The following FSIP2 variants were observed in gnomAD, a reference collection of about 807,000 sequenced individuals.
FSIP2 encodes the protein fibrous sheath interacting protein 2, also known as fibrous sheath-interacting protein 2.
Under a neutral mutation model 510.5 loss-of-function variants are expected in FSIP2, and 367 were observed. That is an observed-to-expected ratio of 0.72 (90% confidence interval 0.66 to 0.78). The LOEUF (loss-of-function observed/expected upper bound fraction) is 0.78. Among genes scored for constraint, FSIP2 ranks in the 30% least tolerant of loss-of-function variants. The pLI, the probability that FSIP2 is intolerant of heterozygous loss-of-function variation, is 0.00. For missense variants in FSIP2, 7,594 were observed against 7,901.7 expected (o/e 0.96, Z 1.48); for synonymous variants, 2,601 against 2,732.2 (o/e 0.95, Z 1.50).
rs184298485 is a variant in FSIP2, at chr2:185,805,848, G to C, written c.16542G>C (p.Val5514=). 2.5e-3 allele frequency: 4,039 copies of C among 1,608,818 alleles called. 9 individuals carry two copies. Among genetic ancestry groups the C allele is most frequent in the Non-Finnish European group, 3.1e-3 (3,680 of 1,177,798 alleles). ...TAACATCAGGGTTGGCTACAGGTGT[G>C]ACAAATAAAAAGGAAGTGGATGAAA... The part of the protein sequence containing the change: ...INLTSGLATG[V]TNKKEVDENK... Residue 5514 remains valine (V), a synonymous_variant, in exon 17 of 23, where the codon GTG becomes GTC. Coordinates refer to ENST00000424728, the MANE Select transcript of FSIP2 (RefSeq NM_173651.4).
intron 7 of FSIP2, among the ~76,000 whole-genome samples, chr2:185,751,385 T>C (rs1692142757): frequency 6.6e-6 from 1 of 151,450 alleles, no homozygotes; most frequent in Non-Finnish European, 1.5e-5. Flanking sequence ...ACTTCAGCTT[T>C]ACTTTGATTA....
chr2:185,802,184 ACAGACCT>A lies in FSIP2; in HGVS notation c.12883_12889del (p.Pro4295SerfsTer5). On this transcript the variant is annotated frameshift_variant, in exon 17 of 23. Coordinates refer to ENST00000424728, the MANE Select transcript of FSIP2 (RefSeq NM_173651.4). LOFTEE classifies it high-confidence loss of function. ...GTTCTGAGTGAAGTGATAGAGTCAC[ACAGACCT>A]CAGAAGCAATCACCTTTAGATATTC... The A allele has an allele frequency of 6.5e-7, 1 of 1,533,460 alleles. No homozygotes were observed. 95.0% of individuals were successfully genotyped at this position (1,533,460 alleles called of 1,614,324 possible).
intron 2 of FSIP2, chr2:185,740,380 C>T (rs2370474): frequency 0.46 from 70,638 of 151,998 alleles, 16,924 homozygotes; most frequent in South Asian, 0.6. Flanking sequence ...CACACCTACC[C>T]CCAAACCTCC....
rs1693650900 is a variant in FSIP2, at chr2:185,808,632, T to C, written c.19326T>C (p.Asp6442=). The change falls in exon 17 of 23, where the codon GAT becomes GAC. Residue 6442 remains aspartate (D), a synonymous_variant. Coordinates refer to ENST00000424728, the MANE Select transcript of FSIP2 (RefSeq NM_173651.4). ...GAACCAACAAAGAATTTTATTATGA[T>C]ATAAAAGATACAAATACAGCCTTTC... ...QSGTNKEFYY[D]IKDTNTAFPK... 3 of 1,603,434 alleles carry C rather than the reference T, an allele frequency of 1.9e-6. No individual in the cohort carries two copies. Among genetic ancestry groups the C allele is most frequent in the African/African-American group, 1.3e-5 (1 of 74,196 alleles).
Position 185,805,164 on chromosome 2 carries a change from C to T in FSIP2, c.15858C>T (p.His5286=), listed in dbSNP as rs1429827586. 1 of 1,610,072 alleles carries T rather than the reference C, an allele frequency of 6.2e-7. No homozygotes were observed. The highest frequency in any genetic ancestry group is 1.1e-5 in the South Asian group (1 of 90,608). ...AAGACATAATCATTGACCTTGTTCA[C>T]AAATTTTGTTCTCTCCTCATTATTA... ...FLEDIIIDLV[H]KFCSLLIITE... is the part of the protein sequence containing the mutation. The change falls in exon 17 of 23, where the codon CAC becomes CAT. Residue 5286 remains histidine, a synonymous_variant. Coordinates refer to ENST00000424728, the MANE Select transcript of FSIP2 (RefSeq NM_173651.4).
In FSIP2 at chr2:185,797,334, C is replaced by G. The variant is rs1337643892; in HGVS notation, c.10198C>G (p.Leu3400Val). 2 of 1,526,086 alleles carry G rather than the reference C, an allele frequency of 1.3e-6. No individual in the cohort carries two copies. The highest frequency in any genetic ancestry group is 2.5e-5 in the East Asian group (1 of 40,784). The allele number at this position is 1,526,086 out of a possible 1,614,324, so 94.5% of individuals were successfully genotyped here. ...NYIPEEENENLEASREDSSFL... is the reference protein window; with the variant it reads ...NYIPEEENENVEASREDSSFL... ...TATACCTGAGGAAGAAAATGAAAAC[C>G]TTGAAGCCAGCCGGGAAGATTCTTC... Residue 3400 changes from leucine to valine, a missense_variant, in exon 16 of 23, where the codon CTT becomes GTT. By Grantham distance (32) the Leu-to-Val change is conservative. Transcript: ENST00000424728.
Position 185,745,594 on chromosome 2 carries a change from T to TA in FSIP2, c.617+27dup. ...GTAAGATTAAAGTTGAGGCATATTT[T>TA]ATGGGTATGTTGTGGACCCAAATAA... On this transcript the variant is annotated intron_variant, in intron 5 of 22. Transcript: ENST00000424728. The TA allele has an allele frequency of 6.6e-6, 10 of 1,521,664 alleles. No homozygotes were observed. The South Asian group carries it at 1.1e-4, about 17-fold the overall frequency. The allele number at this position is 1,521,664 out of a possible 1,614,324, so 94.3% of individuals were successfully genotyped here. A position where few individuals can be genotyped will look rare whatever the true frequency, so the allele number is the denominator to read the frequency against.
At chr2:185,751,548 C>T (rs981686524) in intron 7 of FSIP2, among the ~76,000 whole-genome samples, 9 of 149,768 alleles carry the variant, frequency 6.0e-5, no homozygotes, top group Non-Finnish European at 8.9e-5. Context: ...ATCTGACAAC[C>T]GCCTGTAATT....
intron 13 of FSIP2, among the ~76,000 whole-genome samples, chr2:185,780,567 C>CT (rs71411143): frequency 0.095 from 14,401 of 151,630 alleles, 714 homozygotes; most frequent in Middle Eastern, 0.13. Flanking sequence ...TTTCAAAACC[C>CT]TTCTTTATAT....
chr2:185,797,546 C>T lies in FSIP2; in HGVS notation c.10390+20C>T, dbSNP rs942894919. On this transcript the variant is annotated intron_variant, in intron 16 of 22. Coordinates refer to ENST00000424728, the MANE Select transcript of FSIP2 (RefSeq NM_173651.4). ...CTACAGGTAAGCAAGAGAGAACGTA[C>T]CTAAAAATTTGCATGATTTAGGAAG... 4.7e-6 allele frequency: 7 copies of T among 1,474,382 alleles called. No individual in the cohort carries two copies. The highest frequency in any genetic ancestry group is 6.2e-6 in the Non-Finnish European group (7 of 1,123,884). 91.3% of individuals were successfully genotyped at this position (1,474,382 alleles called of 1,614,324 possible). A position where few individuals can be genotyped will look rare whatever the true frequency, so the allele number is the denominator to read the frequency against.
At chr2:185,743,498 T>C (rs1278357329) in intron 3 of FSIP2, among the ~76,000 whole-genome samples, 2 of 152,176 alleles carry the variant, frequency 1.3e-5, no homozygotes, top group African/African-American at 4.8e-5. Flanking sequence ...TACTTCTTCC[T>C]TCACCTTTTT....
chr2:185,826,256 A>G (rs1197257697), intron 20 of FSIP2, among the ~76,000 whole-genome samples: 1 of 151,796 alleles, frequency 6.6e-6, no homozygotes, highest in Admixed American at 6.6e-5. Context: ...TTAGAACCAA[A>G]TCTCAAGTCA....
At position 185,833,104 on chromosome 2, in the gene FSIP2, G is replaced by A. The variant is rs563506006; in HGVS notation, c.20602G>A (p.Asp6868Asn). ...TTTGTCCACAGAAACTCCCAAGCCC[G>A]ATGTCTCCAAACAAGGATCTAAAAT... ...KEVISETPKP[D>N]VSKQGSKMLT... The change falls in exon 23 of 23, where the codon GAT becomes AAT. Residue 6868 changes from aspartate (D) to asparagine (N), a missense_variant. Asp to Asn is a conservative substitution (Grantham distance 23). Coordinates refer to ENST00000424728, the MANE Select transcript of FSIP2 (RefSeq NM_173651.4). 73 of 1,610,132 alleles carry A rather than the reference G, an allele frequency of 4.5e-5. No individual in the cohort carries two copies. Among genetic ancestry groups the A allele is most frequent in the Admixed American group, 2.0e-4 (12 of 59,546 alleles).
rs1458165191 is a variant in FSIP2 at position 185,796,557 on chromosome 2, T to G, written c.9421T>G (p.Ser3141Ala). 1 of 1,535,034 alleles carries G rather than the reference T, an allele frequency of 6.5e-7. No individual in the cohort carries two copies. The highest frequency in any genetic ancestry group is 1.7e-4 in the Middle Eastern group (1 of 5,974). The change falls in exon 16 of 23, where the codon TCA becomes GCA. Residue 3141 changes from serine (S) to alanine (A), a missense_variant. Transcript: ENST00000424728. ...YFNESLIQNL[S>A]RESLFQGAEN... ...CAATGAGTCTTTGATACAAAACCTT[T>G]CAAGAGAAAGTTTGTTCCAAGGAGC... is the stretch of plus-strand genomic sequence containing the variant.
chr2:185,770,162 C>A (rs1375207021), intron 13 of FSIP2, among the ~76,000 whole-genome samples: 1 of 152,164 alleles, frequency 6.6e-6, no homozygotes, highest in East Asian at 1.9e-4. Context: ...TTGCTTTGGG[C>A]AGCATGGTCA....
chr2:185,752,522 T>TCTC (rs1692169745), intron 7 of FSIP2, among the ~76,000 whole-genome samples: 1 of 151,310 alleles, frequency 6.6e-6, no homozygotes, highest in African/African-American at 2.4e-5. Context: ...TTTTATCTTT[T>TCTC]CTCTCCTCTC....
chr2:185,786,992 A>T (rs549202701), intron 15 of FSIP2, among the ~76,000 whole-genome samples: 1 of 152,018 alleles, frequency 6.6e-6, no homozygotes, highest in Admixed American at 6.6e-5. Flanking sequence ...CGTTAGAAAT[A>T]TATCCCTCTT....
intron 7 of FSIP2, 131 bp downstream of exon 7, chr2:185,747,554 G>T (rs1692059176): frequency 3.9e-6 from 2 of 513,828 alleles, no homozygotes; most frequent in East Asian, 5.8e-5. Flanking sequence ...ATATAAAACT[G>T]CAAGTTATGG....
At position 185,761,011 on chromosome 2, in the gene FSIP2, CA is replaced by C. The variant is rs1482536761; in HGVS notation, c.1103del (p.Gln368ArgfsTer28). On this transcript the variant is annotated frameshift_variant, in exon 10 of 23. Coordinates refer to ENST00000424728, the MANE Select transcript of FSIP2 (RefSeq NM_173651.4). LOFTEE classifies it high-confidence loss of function. ...THGHTANAAH[Q>X]RQNSSNNFTK... ...AGGACATACAGCAAATGCTGCTCAT[CA>C]GCGTCAAAATAGTTCAAATAATTTT... 6.7e-7 allele frequency: 1 copy of C among 1,486,346 alleles called. No individual in the cohort carries two copies. Among genetic ancestry groups the C allele is most frequent in the Non-Finnish European group, 9.0e-7 (1 of 1,112,646 alleles). The allele number at this position is 1,486,346 out of a possible 1,614,324, so 92.1% of individuals were successfully genotyped here.
Sources: gnomAD v4.1 joint callset for allele counts (sites outside exome capture counted in the v4.1 genomes callset) on GRCh38, gnomAD v4.1.1 for gene constraint, MANE v1.5 for transcripts, NCBI Gene and HGNC (gene_info 2026-07-23, HGNC 2026-07-21) for gene names.